DLG2: variants seen among roughly 807,000 people sequenced by gnomAD.
The protein encoded by DLG2 is disks large homolog 2.
A neutral mutation model predicts 132.5 loss-of-function variants in DLG2; 45 were observed. That is an observed-to-expected ratio of 0.34 (90% CI 0.27 to 0.44). The LOEUF (loss-of-function observed/expected upper bound fraction) is 0.44. DLG2 is among the 20% of genes least tolerant of loss of function. DLG2 has a pLI of 1.00. For missense variants in DLG2, 1,045 were observed against 1,196.9 expected, an observed-to-expected ratio of 0.87 and a Z score of 1.87; for synonymous variants, 424 against 419.6, an observed-to-expected ratio of 1.01 and a Z score of -0.13.
intron 18 of DLG2, among the ~76,000 whole-genome samples, chr11:83,755,837 G>T (rs1163962376): frequency 6.6e-6 from 1 of 151,326 alleles, no homozygotes; most frequent in Non-Finnish European, 1.5e-5. Flanking sequence ...CTTGAAATTT[G>T]GCTTTAGGTG....
intron 3 of DLG2, among the ~76,000 whole-genome samples, chr11:85,304,190 A>G (rs78419081): frequency 0.035 from 5,354 of 152,306 alleles, 144 homozygotes; most frequent in Admixed American, 0.049. Context: ...CTTAAAAACT[A>G]TGGCAAACCA....
chr11:85,559,770 A>C (rs1405172420), intron 3 of DLG2, among the ~76,000 whole-genome samples: 2 of 151,398 alleles, frequency 1.3e-5, no homozygotes, highest in Non-Finnish European at 3.0e-5. Flanking sequence ...CTTAAATCTC[A>C]AAATCTAAAA....
intron 18 of DLG2, among the ~76,000 whole-genome samples, chr11:83,689,800 C>G (rs1400106247): frequency 6.6e-6 from 1 of 151,334 alleles, no homozygotes; most frequent in African/African-American, 2.4e-5. Flanking sequence ...GCTTCCTAAA[C>G]CAGTGGTTTC....
At chr11:85,168,223 CAA>C (rs1021166820) in intron 4 of DLG2, among the ~76,000 whole-genome samples, 6 of 151,944 alleles carry the variant, frequency 3.9e-5, no homozygotes, top group African/African-American at 1.4e-4. Flanking sequence ...CAAATATATA[CAA>C]AAGTCACTAT....
intron 6 of DLG2, among the ~76,000 whole-genome samples, chr11:84,664,761 T>C (rs1165827860): frequency 6.6e-6 from 1 of 152,128 alleles, no homozygotes; most frequent in Non-Finnish European, 1.5e-5. Context: ...ATCATACTTC[T>C]CTCCTTTCCT....
In DLG2 at chr11:84,537,340, A is replaced by G. The variant is rs544041587; in HGVS notation, c.358-2609T>C. On this transcript the variant is annotated intron_variant, in intron 6 of 27. Coordinates refer to ENST00000376104, the MANE Select transcript of DLG2 (RefSeq NM_001142699.3). ...CAGGCTGGTCTCGAACTCTTACCGCAGGTGATCCGTCCACCTCAGCCTCCC... is the reference window on the plus strand; with the variant it reads ...CAGGCTGGTCTCGAACTCTTACCGCGGGTGATCCGTCCACCTCAGCCTCCC... Among the ~76,000 whole-genome samples, 5 of 152,140 alleles carry G rather than the reference A, an allele frequency of 3.3e-5. No individual in the cohort carries two copies. In the East Asian group the frequency reaches 7.7e-4, roughly 24 times the overall value.
intron 7 of DLG2, among the ~76,000 whole-genome samples, chr11:84,356,581 A>G (rs957003327): frequency 3.3e-5 from 5 of 152,142 alleles, no homozygotes; most frequent in Non-Finnish European, 5.9e-5. Context: ...ATCAATAGTA[A>G]TTATCTATCT....
chr11:84,615,658 C>T lies in DLG2; in HGVS notation c.358-80927G>A, dbSNP rs973522276. ...TAGGGGTCATAAAGGGACAGAGTTG[C>T]CCTCTGTTTCCATCTAAAATATTGC... On this transcript the variant is annotated intron_variant, in intron 6 of 27. Transcript: ENST00000376104. Among the ~76,000 whole-genome samples the T allele has an allele frequency of 7.0e-4, 106 of 151,326 alleles. 1 individual carries two copies. The highest frequency in any genetic ancestry group is 1.5e-4 in the Non-Finnish European group (10 of 67,788).
At chr11:83,580,809 C>T (rs2096958687) in intron 19 of DLG2, among the ~76,000 whole-genome samples, 1 of 132,238 alleles carries the variant, frequency 7.6e-6, no homozygotes, top group South Asian at 2.9e-4. Flanking sequence ...CCCTCCCCTG[C>T]CCCGCCAGGC....
At chr11:83,648,300 G>A (rs1334030937) in intron 18 of DLG2, among the ~76,000 whole-genome samples, 3 of 152,132 alleles carry the variant, frequency 2.0e-5, no homozygotes, top group Admixed American at 6.5e-5. Context: ...CTTAGAGGAT[G>A]AGGAAGCATT....
At chr11:84,987,493 G>A (rs746621171) in intron 6 of DLG2, among the ~76,000 whole-genome samples, 1 of 152,062 alleles carries the variant, frequency 6.6e-6, no homozygotes, top group Non-Finnish European at 1.5e-5. Flanking sequence ...AAATCTGGAG[G>A]CATCACATTA....
intron 6 of DLG2, among the ~76,000 whole-genome samples, chr11:85,018,852 A>T (rs189664809): frequency 3.5e-4 from 53 of 151,988 alleles, no homozygotes; most frequent in Middle Eastern, 3.4e-3. Flanking sequence ...TGAGGAAAAA[A>T]GGTCTGAAAC....
intron 7 of DLG2, among the ~76,000 whole-genome samples, chr11:84,432,457 T>C (rs1163970521): frequency 6.6e-6 from 1 of 152,148 alleles, no homozygotes; most frequent in Non-Finnish European, 1.5e-5. Context: ...TTACTTCTAT[T>C]TGACAGATGA....
At chr11:84,071,300 T>C (rs764026353) in intron 10 of DLG2, among the ~76,000 whole-genome samples, 1 of 152,026 alleles carries the variant, frequency 6.6e-6, no homozygotes, top group Admixed American at 6.6e-5. Context: ...AGATGGGGTT[T>C]TGCCATGTTG....
intron 11 of DLG2, among the ~76,000 whole-genome samples, chr11:84,019,701 C>A (rs138222634): frequency 7.2e-4 from 110 of 152,214 alleles, no homozygotes; most frequent in African/African-American, 2.4e-3. Context: ...AACAGACATG[C>A]ATACAGGGAG....
At chr11:84,434,778 T>C (rs1247818545) in intron 7 of DLG2, among the ~76,000 whole-genome samples, 1 of 152,006 alleles carries the variant, frequency 6.6e-6, no homozygotes, top group East Asian at 1.9e-4. Flanking sequence ...CATTTAGTCT[T>C]GCATGTTCCT....
chr11:84,560,419 G>A (rs1346744031), intron 6 of DLG2, among the ~76,000 whole-genome samples: 1 of 152,086 alleles, frequency 6.6e-6, no homozygotes, highest in Non-Finnish European at 1.5e-5. Context: ...AGAACTGGCA[G>A]GCACTTTTAT....
chr11:83,587,731 G>A (rs912455807), intron 19 of DLG2, among the ~76,000 whole-genome samples: 3 of 152,126 alleles, frequency 2.0e-5, no homozygotes, highest in Non-Finnish European at 2.9e-5. Context: ...CTGAGGTACC[G>A]GGTTCATCTC....
chr11:85,594,879 A>C (rs866690168), intron 3 of DLG2, among the ~76,000 whole-genome samples: 2 of 152,092 alleles, frequency 1.3e-5, no homozygotes, highest in South Asian at 4.2e-4. Flanking sequence ...CAGTCTGACC[A>C]ACATGGTTAA....
Sources: allele counts gnomAD v4.1 joint callset (sites outside exome capture counted in the v4.1 genomes callset), GRCh38; gene constraint gnomAD v4.1.1; transcripts MANE v1.5; gene names NCBI Gene and HGNC (gene_info 2026-07-23, HGNC 2026-07-21).